The following SDK1 variants were observed in gnomAD, a reference collection of about 807,000 sequenced individuals.
SDK1 encodes sidekick cell adhesion molecule 1.
SDK1 carries 157 observed loss-of-function variants against 245.5 expected under a neutral mutation model. The ratio of observed to expected loss-of-function variants is 0.64; its 90% CI spans 0.56 to 0.73. The LOEUF (loss-of-function observed/expected upper bound fraction) is 0.73, where lower values mean the gene tolerates loss of function less well. SDK1 is among the 30% of genes least tolerant of loss of function. The probability of loss-of-function intolerance (pLI) is 0.00; values close to 1 mark genes in which losing one functional copy is unlikely to be tolerated. For synonymous variants in SDK1, 1,647 were observed against 1,278.5 expected, an observed-to-expected ratio of 1.29 and a Z score of -6.15; for missense variants, 3,583 against 3,002.3, an observed-to-expected ratio of 1.19 and a Z score of -4.52.
intron 39 of SDK1, 115 bp from the exon 40 acceptor site, chr7:4,221,124 G>C: frequency 7.7e-7 from 1 of 1,294,888 alleles, no homozygotes; most frequent in Non-Finnish European, 1.1e-6. Flanking sequence ...TAAGTAACCT[G>C]CCCAGACACT....
Position 3,420,625 on chromosome 7 carries a change from G to A in SDK1, c.298+118741G>A, listed in dbSNP as rs752916838. On this transcript the variant is annotated intron_variant, in intron 1 of 44. Coordinates refer to ENST00000404826, the MANE Select transcript of SDK1 (RefSeq NM_152744.4). ...TTGTCTTTTACAGAGCTTGATATGT[G>A]GCTTAACAGTAAGTAGGATTATAGC... is the stretch of plus-strand genomic sequence containing the variant. 1.2e-4 allele frequency among the ~76,000 whole-genome samples: 18 copies of A among 152,222 alleles called. No individual in the cohort carries two copies. The East Asian group carries it at 1.3e-3, about 11-fold the overall frequency.
intron 30 of SDK1, among the ~76,000 whole-genome samples, chr7:4,157,560 G>A (rs1008834488): frequency 1.3e-5 from 2 of 151,948 alleles, no homozygotes; most frequent in South Asian, 2.1e-4. Flanking sequence ...AGATGGAAGC[G>A]GGCCCGAAGT....
At chr7:3,609,694 C>T (rs185787999) in intron 1 of SDK1, among the ~76,000 whole-genome samples, 12 of 151,002 alleles carry the variant, frequency 7.9e-5, no homozygotes, top group Non-Finnish European at 1.3e-4. Flanking sequence ...GCTACGGTGC[C>T]CAGCCTCCCC....
chr7:3,368,259 C>T (rs758542463), intron 1 of SDK1, among the ~76,000 whole-genome samples: 1 of 152,184 alleles, frequency 6.6e-6, no homozygotes, highest in Admixed American at 6.5e-5. Context: ...AGAAAGTGTT[C>T]TCAAGCTTCT....
intron 20 of SDK1, among the ~76,000 whole-genome samples, 188 bp from the exon 21 acceptor site, chr7:4,076,810 G>A (rs749873173): frequency 5.3e-5 from 8 of 152,120 alleles, no homozygotes; most frequent in Admixed American, 2.6e-4. Context: ...TTACGAGATC[G>A]CATTGGGCAC....
intron 1 of SDK1, among the ~76,000 whole-genome samples, chr7:3,437,701 A>G (rs965426914): frequency 6.6e-6 from 1 of 152,178 alleles, no homozygotes; most frequent in African/African-American, 2.4e-5. Flanking sequence ...GTGAGCTGTG[A>G]TCGTGCCACT....
rs571765786 is a variant in SDK1 at position 3,790,036 on chromosome 7, G to C, written c.714-31414G>C. Among the ~76,000 whole-genome samples the C allele has an allele frequency of 2.0e-4, 30 of 152,254 alleles. 1 individual carries two copies. In the East Asian group the frequency reaches 5.8e-3, roughly 29 times the overall value. On this transcript the variant is annotated intron_variant, in intron 4 of 44. Transcript: ENST00000404826. ...TCTCCCCCTTCCCGAGGACCAAATA[G>C]TTATTCAGCGGAGAAGTTGAGAAAG...
At chr7:3,448,853 C>G (rs979998524) in intron 1 of SDK1, among the ~76,000 whole-genome samples, 8 of 152,106 alleles carry the variant, frequency 5.3e-5, no homozygotes, top group African/African-American at 1.9e-4. Flanking sequence ...AAGGTTATTT[C>G]TCTTTGCTCA....
chr7:4,153,856 T>A (rs896606560), intron 30 of SDK1, among the ~76,000 whole-genome samples: 9 of 152,120 alleles, frequency 5.9e-5, no homozygotes, highest in Admixed American at 2.0e-4. Flanking sequence ...TTTAATTTTT[T>A]TTTTTTTAGA....
At chr7:4,021,335 G>C (rs953964106) in intron 17 of SDK1, among the ~76,000 whole-genome samples, 3 of 152,196 alleles carry the variant, frequency 2.0e-5, no homozygotes, top group African/African-American at 7.2e-5. Flanking sequence ...AGAGGAACGG[G>C]CTATGGACAC....
Position 3,719,080 on chromosome 7 carries a change from A to T in SDK1, c.713+76975A>T, listed in dbSNP as rs539729484. 3.5e-4 allele frequency among the ~76,000 whole-genome samples: 54 copies of T among 152,298 alleles called. 2 individuals are homozygous for T. The South Asian group carries it at 0.011, about 30-fold the overall frequency. ...TCCTGGGAACAAATCTTGTTTGTAG[A>T]TATACCCAAATCTATATTATAGGTA... On this transcript the variant is annotated intron_variant, in intron 4 of 44. Coordinates refer to ENST00000404826, the MANE Select transcript of SDK1 (RefSeq NM_152744.4).
chr7:3,513,555 AAAG>A (rs1782646555), intron 1 of SDK1, among the ~76,000 whole-genome samples: 2 of 152,232 alleles, frequency 1.3e-5, no homozygotes, highest in Non-Finnish European at 2.9e-5. Flanking sequence ...CAAACAATAT[AAAG>A]AAAATATCCA....
intron 25 of SDK1, among the ~76,000 whole-genome samples, chr7:4,119,874 A>G (rs1410995079): frequency 2.0e-5 from 3 of 149,230 alleles, no homozygotes; most frequent in East Asian, 1.9e-4. Context: ...TAACATACAT[A>G]CAAGTCTGAG....
At chr7:3,975,700 C>T (rs1230148014) in intron 13 of SDK1, among the ~76,000 whole-genome samples, 1 of 152,250 alleles carries the variant, frequency 6.6e-6, no homozygotes, top group Non-Finnish European at 1.5e-5. Flanking sequence ...AGCAGTCAGT[C>T]CGGAAGGCCC....
intron 16 of SDK1, among the ~76,000 whole-genome samples, chr7:4,016,243 T>A (rs1441173357): frequency 6.6e-6 from 1 of 152,258 alleles, no homozygotes; most frequent in African/African-American, 2.4e-5. Flanking sequence ...GCGGATTTGC[T>A]GCCACTCAAG....
Position 3,318,758 on chromosome 7 carries a change from G to T in SDK1, c.298+16874G>T, listed in dbSNP as rs576693668. 7.9e-5 allele frequency among the ~76,000 whole-genome samples: 12 copies of T among 152,170 alleles called. No homozygotes were observed. The South Asian group carries it at 8.3e-4, about 11-fold the overall frequency. ...AGCATAGCCCTTGCCATTGCATTAG[G>T]TACCATCATTGTTGGTTTTAGTACT... On this transcript the variant is annotated intron_variant, in intron 1 of 44. Coordinates refer to ENST00000404826, the MANE Select transcript of SDK1 (RefSeq NM_152744.4).
At chr7:4,115,138 C>T (rs963209045) in intron 25 of SDK1, among the ~76,000 whole-genome samples, 2 of 152,170 alleles carry the variant, frequency 1.3e-5, no homozygotes, top group African/African-American at 2.4e-5. Flanking sequence ...AATTAACGCT[C>T]ATGAAGGACT....
intron 1 of SDK1, among the ~76,000 whole-genome samples, chr7:3,353,631 G>T (rs976772065): frequency 6.6e-6 from 1 of 152,180 alleles, no homozygotes; most frequent in Non-Finnish European, 1.5e-5. Flanking sequence ...TGAATGGTTA[G>T]TGGAGCTGCC....
At position 3,913,735 on chromosome 7, in the gene SDK1, A is replaced by C. The variant is rs186512761; in HGVS notation, c.848-37188A>C. The stretch of plus-strand genomic sequence containing the variant: ...ACCAGTGGTTTATTGACATCCATCT[A>C]TTCTTGTTCTCTCCAAGCCCAGCAA... On this transcript the variant is annotated intron_variant, in intron 5 of 44. Transcript: ENST00000404826. Among the ~76,000 whole-genome samples the C allele has an allele frequency of 4.8e-3, 732 of 152,216 alleles. 4 individuals carry two copies. Among genetic ancestry groups the C allele is most frequent in the South Asian group, 0.011 (54 of 4,818 alleles).
Sources: gnomAD v4.1 joint callset for allele counts (sites outside exome capture counted in the v4.1 genomes callset) on GRCh38, gnomAD v4.1.1 for gene constraint, MANE v1.5 for transcripts, NCBI Gene and HGNC (gene_info 2026-07-23, HGNC 2026-07-21) for gene names.